Variants in TMEM232 observed in about 807,000 individuals in gnomAD.
The protein encoded by TMEM232 is transmembrane protein 232.
TMEM232 carries 80 observed loss-of-function variants against 78.8 expected under a neutral mutation model. The ratio of observed to expected loss-of-function variants is 1.01; its 90% CI spans 0.85 to 1.22. The LOEUF is 1.22. Among genes scored for constraint, TMEM232 ranks in the 50% most tolerant of loss-of-function variants. TMEM232 has a pLI of 0.00. For missense variants in TMEM232, 881 were observed against 742.2 expected (o/e 1.19, Z -2.17); for synonymous variants, 297 against 254.3 (o/e 1.17, Z -1.60).
intron 8 of TMEM232, among the ~76,000 whole-genome samples, chr5:110,609,898 G>A (rs943905779): frequency 6.6e-6 from 1 of 152,072 alleles, no homozygotes; most frequent in Non-Finnish European, 1.5e-5. Context: ...ATCAGTCTCA[G>A]TACTCAGAGA....
At chr5:110,482,776 G>A (rs563710397) in intron 12 of TMEM232, among the ~76,000 whole-genome samples, 2 of 151,802 alleles carry the variant, frequency 1.3e-5, no homozygotes, top group South Asian at 2.1e-4. Context: ...AACAAAACAA[G>A]TAGGTAGTGG....
At position 110,443,740 on chromosome 5, in the gene TMEM232, G is replaced by A. The variant is rs182972177; in HGVS notation, c.1704-18824C>T. On this transcript the variant is annotated intron_variant, in intron 12 of 13. Transcript: ENST00000455884. ...TATCTCAGAGCCAACAGCCTACGGC[G>A]TACTACCTGGATATCACTACTGGTT... is the stretch of plus-strand genomic sequence containing the variant. 1.4e-4 allele frequency among the ~76,000 whole-genome samples: 22 copies of A among 152,252 alleles called. No homozygotes were observed. The Middle Eastern group carries it at 0.014, about 94-fold the overall frequency.
intron 2 of TMEM232, among the ~76,000 whole-genome samples, chr5:110,651,776 G>A (rs1788342671): frequency 1.3e-5 from 2 of 152,156 alleles, no homozygotes; most frequent in South Asian, 4.2e-4. Flanking sequence ...GGTGGGGCAA[G>A]GGATGGAGGC....
chr5:110,544,685 G>A (rs1313193570), intron 11 of TMEM232, among the ~76,000 whole-genome samples: 1 of 151,832 alleles, frequency 6.6e-6, no homozygotes, highest in East Asian at 1.9e-4. Flanking sequence ...TATTTAACTT[G>A]TTTTTGAAAA....
chr5:110,558,900 C>T lies in TMEM232; in HGVS notation c.1455+9547G>A, dbSNP rs577175321. Among the ~76,000 whole-genome samples the T allele has an allele frequency of 5.8e-4, 88 of 152,236 alleles. 1 individual carries two copies. Among genetic ancestry groups the T allele is most frequent in the Non-Finnish European group, 7.2e-4 (49 of 67,998 alleles). ...TTTAACTCACCCCACCTCTAGGGGCCGTCTGGGGCCAGGAATGAGTCCTGT... is the reference window on the plus strand; with the variant it reads ...TTTAACTCACCCCACCTCTAGGGGCTGTCTGGGGCCAGGAATGAGTCCTGT... On this transcript the variant is annotated intron_variant, in intron 11 of 13. Coordinates refer to ENST00000455884, the MANE Select transcript of TMEM232 (RefSeq NM_001039763.4).
chr5:110,419,821 A>T lies in TMEM232; in HGVS notation c.*759T>A, dbSNP rs181146833. Among the ~76,000 whole-genome samples, 1 of 152,058 alleles carries T rather than the reference A, an allele frequency of 6.6e-6. No individual in the cohort carries two copies. The highest frequency in any genetic ancestry group is 1.5e-5 in the Non-Finnish European group (1 of 67,960). ...TAAGACATCACAAAAACTCCACCCT[A>T]TTACTCTTACTCATAGGTTCAGAAC... On this transcript the variant is annotated 3_prime_UTR_variant, in exon 14 of 14. Transcript: ENST00000455884.
chr5:110,575,654 T>C (rs1250485371), intron 10 of TMEM232, among the ~76,000 whole-genome samples: 3 of 151,784 alleles, frequency 2.0e-5, no homozygotes, highest in African/African-American at 4.8e-5. Flanking sequence ...ACTCAACCCA[T>C]GGAGAATGGA....
At chr5:110,621,978 T>C (rs1580392799) in intron 7 of TMEM232, among the ~76,000 whole-genome samples, 1 of 152,322 alleles carries the variant, frequency 6.6e-6, no homozygotes, top group East Asian at 1.9e-4. Context: ...TCTTTTATAA[T>C]AGAAATGAGC....
intron 12 of TMEM232, among the ~76,000 whole-genome samples, chr5:110,476,115 G>A (rs148831321): frequency 7.4e-4 from 113 of 151,854 alleles, no homozygotes; most frequent in African/African-American, 2.7e-3. Flanking sequence ...TGTCATAATT[G>A]AAAGGAAATA....
In TMEM232 at chr5:110,643,529, A is replaced by C. The variant is rs549399920; in HGVS notation, c.126-1158T>G. Among the ~76,000 whole-genome samples the C allele has an allele frequency of 5.9e-5, 9 of 152,224 alleles. No individual in the cohort carries two copies. In the South Asian group the frequency reaches 1.9e-3, roughly 32 times the overall value. On this transcript the variant is annotated intron_variant, in intron 2 of 13. Transcript: ENST00000455884. ...AAGTGACAATAAGGATGTACCACAA[A>C]ATTGAAGATGGGCATGGGACCAAAG... is the stretch of plus-strand genomic sequence containing the variant.
chr5:110,731,768 C>T (rs551421319), intron 2 of TMEM232, among the ~76,000 whole-genome samples: 2 of 152,336 alleles, frequency 1.3e-5, no homozygotes, highest in Admixed American at 6.5e-5. Flanking sequence ...GGAAGGATGC[C>T]ATGAAAGTCT....
intron 2 of TMEM232, chr5:110,666,602 A>G (rs1790623159): frequency 6.6e-6 from 1 of 152,084 alleles, no homozygotes; most frequent in Non-Finnish European, 1.5e-5. Context: ...TTTCTTCAGC[A>G]TATTATGTTT....
At chr5:110,581,230 C>A (rs1173311625) in intron 10 of TMEM232, among the ~76,000 whole-genome samples, 2 of 151,782 alleles carry the variant, frequency 1.3e-5, no homozygotes, top group East Asian at 3.9e-4. Flanking sequence ...GCAAAGAGAA[C>A]AAAGCCAGAG....
At chr5:110,458,865 A>G (rs999307594) in intron 12 of TMEM232, among the ~76,000 whole-genome samples, 5 of 152,202 alleles carry the variant, frequency 3.3e-5, no homozygotes, top group Admixed American at 6.5e-5. Context: ...AAAATACTCC[A>G]CATAAATATT....
chr5:110,665,289 C>T (rs749249117), intron 2 of TMEM232, among the ~76,000 whole-genome samples: 15 of 152,032 alleles, frequency 9.9e-5, no homozygotes, highest in Non-Finnish European at 1.5e-4. Flanking sequence ...TATTTTAAAA[C>T]GTGTTCCATG....
intron 12 of TMEM232, among the ~76,000 whole-genome samples, chr5:110,444,906 A>T (rs563835701): frequency 3.3e-5 from 5 of 151,192 alleles, no homozygotes; most frequent in African/African-American, 4.9e-5. Flanking sequence ...TCTTTTTCCC[A>T]TTTTCCTCCT....
At chr5:110,723,241 T>C (rs924746221) in intron 1 of TMEM232, among the ~76,000 whole-genome samples, 1 of 152,158 alleles carries the variant, frequency 6.6e-6, no homozygotes, top group African/African-American at 2.4e-5. Flanking sequence ...GTTTTGGCAG[T>C]GGTTATTGTT....
At chr5:110,719,507 T>G (rs992340639) in intron 1 of TMEM232, among the ~76,000 whole-genome samples, 2 of 152,032 alleles carry the variant, frequency 1.3e-5, no homozygotes, top group Middle Eastern at 3.2e-3. Flanking sequence ...CCCTCCTGTA[T>G]ATGAGTCACA....
At chr5:110,512,242 A>G (rs1358343566) in intron 12 of TMEM232, among the ~76,000 whole-genome samples, 1 of 152,206 alleles carries the variant, frequency 6.6e-6, no homozygotes, top group African/African-American at 2.4e-5. Flanking sequence ...ATTTGCTTTC[A>G]TAGTATCTGG....
Sources: gnomAD v4.1 joint callset for allele counts (sites outside exome capture counted in the v4.1 genomes callset) on GRCh38, gnomAD v4.1.1 for gene constraint, MANE v1.5 for transcripts, NCBI Gene and HGNC (gene_info 2026-07-23, HGNC 2026-07-21) for gene names.